Variants in B4GALT1 observed in about 807,000 individuals in gnomAD.
The protein encoded by B4GALT1 is N-acetyllactosamine synthase.
A neutral mutation model predicts 34.9 loss-of-function variants in B4GALT1; 16 were observed. That is an observed-to-expected ratio of 0.46 (90% CI 0.31 to 0.70). The LOEUF (loss-of-function observed/expected upper bound fraction) is 0.70, where lower values mean the gene tolerates loss of function less well. Ranked by LOEUF, B4GALT1 falls within the 30% of genes least tolerant of loss-of-function variation. The probability of loss-of-function intolerance (pLI) is 0.05; values close to 1 mark genes in which losing one functional copy is unlikely to be tolerated. For synonymous variants in B4GALT1, 221 were observed against 218.1 expected (o/e 1.01, Z -0.12); for missense variants, 445 against 530.5 (o/e 0.84, Z 1.58).
At chr9:33,168,875 C>CT (rs1233659437), upstream of B4GALT1, among the ~76,000 whole-genome samples, 2 of 152,220 alleles carry the variant, frequency 1.3e-5, no homozygotes, top group Non-Finnish European at 2.9e-5. Context: ...CAGCAACCTA[C>CT]TCCTTACACA....
At chr9:33,180,388 A>T in the B4GALT1 span, among the ~76,000 whole-genome samples, 1 of 152,170 alleles carries the variant, frequency 6.6e-6, no homozygotes, top group Non-Finnish European at 1.5e-5. Context: ...TCATACTTTC[A>T]TCAATGTCTT....
chr9:33,110,146 T>A (rs7850948), downstream of B4GALT1, among the ~76,000 whole-genome samples: 1 of 152,230 alleles, frequency 6.6e-6, no homozygotes, highest in Non-Finnish European at 1.5e-5. Flanking sequence ...CCAACCAGCC[T>A]GACCCAGGGC....
chr9:33,108,797 T>A (rs2117977919), downstream of B4GALT1: 1 of 152,194 alleles, frequency 6.6e-6, no homozygotes, highest in South Asian at 2.1e-4. Context: ...TGTGGCACTG[T>A]GAGATAATAA....
chr9:33,141,539 T>A (rs1357493730), intron 1 of B4GALT1, among the ~76,000 whole-genome samples: 1 of 152,044 alleles, frequency 6.6e-6, no homozygotes, highest in African/African-American at 2.4e-5. Context: ...AAAAGGTCTT[T>A]ACCCCCAGTA....
chr9:33,165,586 G>A lies in B4GALT1; in HGVS notation c.412+1172C>T, dbSNP rs749219831. On this transcript the variant is annotated intron_variant, in intron 1 of 5. Coordinates refer to ENST00000379731, the MANE Select transcript of B4GALT1 (RefSeq NM_001497.4). The stretch of plus-strand genomic sequence containing the variant: ...TGAACACATTGACGCAATTACTGGC[G>A]AAATTGAGCAAGAGTATGTAGTAGC... Among the ~76,000 whole-genome samples, 6 of 152,324 alleles carry A rather than the reference G, an allele frequency of 3.9e-5. No homozygotes were observed. In the East Asian group the frequency reaches 7.7e-4, roughly 20 times the overall value.
At chr9:33,180,761 A>G in the B4GALT1 span, among the ~76,000 whole-genome samples, 1 of 152,082 alleles carries the variant, frequency 6.6e-6, no homozygotes, top group Non-Finnish European at 1.5e-5. Flanking sequence ...GGAGGAACGA[A>G]TCTTCCCCTT....
chr9:33,150,271 G>C (rs527576381), intron 1 of B4GALT1, among the ~76,000 whole-genome samples: 3 of 129,364 alleles, frequency 2.3e-5, no homozygotes, highest in Non-Finnish European at 3.5e-5. Context: ...CACACAGAGC[G>C]AGAGAGAGAG....
chr9:33,132,615 A>C (rs1045444664), intron 2 of B4GALT1, among the ~76,000 whole-genome samples: 4 of 152,174 alleles, frequency 2.6e-5, no homozygotes, highest in African/African-American at 9.7e-5. Context: ...ACTCGGATTG[A>C]GGTGGGCAGG....
At chr9:33,157,902 T>C (rs1046585934) in intron 1 of B4GALT1, among the ~76,000 whole-genome samples, 11 of 152,178 alleles carry the variant, frequency 7.2e-5, no homozygotes, top group African/African-American at 2.7e-4. Flanking sequence ...ATTTTACAAG[T>C]GAGAACACTG....
chr9:33,126,960 T>TTTTG (rs142522793), intron 2 of B4GALT1, among the ~76,000 whole-genome samples: 43 of 151,894 alleles, frequency 2.8e-4, no homozygotes, highest in African/African-American at 1.0e-3. Context: ...TGTTTTTTTG[T>TTTTG]TTTGTTTGTT....
chr9:33,108,723 G>C (rs1457813595), downstream of B4GALT1: 2 of 152,006 alleles, frequency 1.3e-5, no homozygotes, highest in East Asian at 3.9e-4. Flanking sequence ...TCAGTGAAAG[G>C]GTGAACTTAA....
rs139758985 is a variant in B4GALT1, at chr9:33,153,020, A to G, written c.412+13738T>C. 7.9e-4 allele frequency among the ~76,000 whole-genome samples: 121 copies of G among 152,322 alleles called. No individual in the cohort carries two copies. The East Asian group carries it at 0.021, about 26-fold the overall frequency. The stretch of plus-strand genomic sequence containing the variant: ...TCGAGTCCAGCCTGGGCAACATGGC[A>G]AAGACTCCCATCTTGAAAGAAAGGA... On this transcript the variant is annotated intron_variant, in intron 1 of 5. Coordinates refer to ENST00000379731, the MANE Select transcript of B4GALT1 (RefSeq NM_001497.4).
the B4GALT1 span, among the ~76,000 whole-genome samples, chr9:33,178,284 GCCTGGC>G: frequency 6.6e-6 from 1 of 152,138 alleles, no homozygotes; most frequent in Admixed American, 6.5e-5. Flanking sequence ...GAGCCATTGT[GCCTGGC>G]CCAGAAGATC....
chr9:33,157,120 C>CCACACA (rs1554688656), intron 1 of B4GALT1, among the ~76,000 whole-genome samples: 2 of 30,944 alleles, frequency 6.5e-5, no homozygotes, highest in Admixed American at 3.7e-4. Context: ...GCATAGGGAA[C>CCACACA]TACACACACA....
chr9:33,114,022 C>A, intron 4 of B4GALT1, 144 bp from the exon 5 acceptor site: 2 of 748,250 alleles, frequency 2.7e-6, no homozygotes, highest in Admixed American at 2.0e-5. Flanking sequence ...CAGAACCCAG[C>A]CCAGCATGAC....
rs1489953468 is a variant in B4GALT1, at chr9:33,142,636, A to G, written c.413-7212T>C. Reference sequence around the variant, plus strand: ...TCTTTTTCTTTTTCTTTTTTTTAAGAGACAGTTTCTCGCTCTGTTACCCAG... The same window carrying G: ...TCTTTTTCTTTTTCTTTTTTTTAAGGGACAGTTTCTCGCTCTGTTACCCAG... On this transcript the variant is annotated intron_variant, in intron 1 of 5. Coordinates refer to ENST00000379731, the MANE Select transcript of B4GALT1 (RefSeq NM_001497.4). Among the ~76,000 whole-genome samples, 6 of 151,994 alleles carry G rather than the reference A, an allele frequency of 3.9e-5. No homozygotes were observed. In the Middle Eastern group the frequency reaches 0.01, roughly 258 times the overall value.
intron 1 of B4GALT1, among the ~76,000 whole-genome samples, chr9:33,146,697 CTT>C (rs11291171): frequency 0.12 from 16,283 of 140,750 alleles, 942 homozygotes; most frequent in African/African-American, 0.15. Flanking sequence ...TCTTTCTTTT[CTT>C]TTTTTTTTTT....
chr9:33,152,375 C>T (rs1385852834), intron 1 of B4GALT1, among the ~76,000 whole-genome samples: 1 of 136,194 alleles, frequency 7.3e-6, no homozygotes, highest in Non-Finnish European at 1.7e-5. Context: ...ATAACAACTT[C>T]TACATAGCTA....
intron 1 of B4GALT1, among the ~76,000 whole-genome samples, chr9:33,150,263 CACAG>C (rs1242767813): frequency 1.4e-5 from 2 of 145,276 alleles, no homozygotes; most frequent in Non-Finnish European, 3.1e-5. Context: ...CACACACACA[CACAG>C]AGCGAGAGAG....
Sources: allele counts gnomAD v4.1 joint callset (sites outside exome capture counted in the v4.1 genomes callset), GRCh38; gene constraint gnomAD v4.1.1; transcripts MANE v1.5; gene names NCBI Gene and HGNC (gene_info 2026-07-23, HGNC 2026-07-21).